Variants in ARHGAP10 observed in about 807,000 individuals in gnomAD.
ARHGAP10 encodes rho GTPase-activating protein 10.
A neutral mutation model predicts 108.6 loss-of-function variants in ARHGAP10; 87 were observed. The observed-to-expected ratio is 0.80, with a 90% CI of 0.67 to 0.96. The LOEUF (loss-of-function observed/expected upper bound fraction) is 0.96. ARHGAP10 is among the 40% of genes least tolerant of loss of function. ARHGAP10 has a pLI of 0.00. For synonymous variants in ARHGAP10, 347 were observed against 341.1 expected, an observed-to-expected ratio of 1.02 and a Z score of -0.19; for missense variants, 939 against 954.5, an observed-to-expected ratio of 0.98 and a Z score of 0.21.
At chr4:147,983,587 A>G (rs1188717793) in intron 18 of ARHGAP10, among the ~76,000 whole-genome samples, 1 of 151,238 alleles carries the variant, frequency 6.6e-6, no homozygotes. Flanking sequence ...GCATGGTCTC[A>G]TCTGCCGTTA....
At chr4:147,942,178 G>T (rs1578715639) in intron 14 of ARHGAP10, among the ~76,000 whole-genome samples, 1 of 152,164 alleles carries the variant, frequency 6.6e-6, no homozygotes, top group African/African-American at 2.4e-5. Context: ...GCAGGTAATA[G>T]GTTTATTTCA....
intron 1 of ARHGAP10, among the ~76,000 whole-genome samples, chr4:147,798,769 CTCTCTCTCTCTCTATA>C (rs1202805946): frequency 2.0e-3 from 11 of 5,586 alleles, no homozygotes; most frequent in Admixed American, 0.014. Context: ...CTCTCTCTCT[CTCTCTCTCTCTCTATA>C]TATATATATA....
intron 1 of ARHGAP10, among the ~76,000 whole-genome samples, chr4:147,751,350 G>A (rs1340824205): frequency 6.6e-6 from 1 of 151,716 alleles, no homozygotes; most frequent in Non-Finnish European, 1.5e-5. Context: ...TTTGTAGTAG[G>A]AGTAGATAAT....
rs775350849 is a variant in ARHGAP10, at chr4:147,939,912, T to C, written c.1303+13T>C. Reference sequence around the variant, plus strand: ...AGTATGTTGATGGGTATGCCTCTTTTCTAATCATTTTTCCATGTGTTATTT... The same window carrying C: ...AGTATGTTGATGGGTATGCCTCTTTCCTAATCATTTTTCCATGTGTTATTT... On this transcript the variant is annotated intron_variant, in intron 14 of 22. Transcript: ENST00000336498. The C allele has an allele frequency of 6.2e-7, 1 of 1,605,662 alleles. No homozygotes were observed. The highest frequency in any genetic ancestry group is 2.2e-5 in the East Asian group (1 of 44,834).
In ARHGAP10 at chr4:147,925,744, C is replaced by T. The variant is rs369136060; in HGVS notation, c.1228+12605C>T. Among the ~76,000 whole-genome samples the T allele has an allele frequency of 2.0e-4, 31 of 152,298 alleles. No individual in the cohort carries two copies. In the East Asian group the frequency reaches 2.7e-3, roughly 13 times the overall value. ...TAGTTCCACGGATACTAGTAGAAGA[C>T]ACAAGACTCCTGGATCTTTGACACA... On this transcript the variant is annotated intron_variant, in intron 13 of 22. Coordinates refer to ENST00000336498, the MANE Select transcript of ARHGAP10 (RefSeq NM_024605.4).
chr4:148,045,203 C>G (rs893824946), intron 19 of ARHGAP10, among the ~76,000 whole-genome samples: 5 of 152,188 alleles, frequency 3.3e-5, no homozygotes, highest in African/African-American at 1.2e-4. Flanking sequence ...AGGGGTCCCC[C>G]TCAATACTCA....
rs1428847036 is a variant in ARHGAP10 at position 147,985,009 on chromosome 4, GC to G, written c.1716+18172del. 2.0e-5 allele frequency among the ~76,000 whole-genome samples: 3 copies of G among 152,176 alleles called. No homozygotes were observed. In the East Asian group the frequency reaches 5.8e-4, roughly 29 times the overall value. ...GTGGCTACTAGGCACATAGAGATGT[GC>G]CTAGGTGTGGAGCTGGGAACCTCAC... is the stretch of plus-strand genomic sequence containing the variant. On this transcript the variant is annotated intron_variant, in intron 18 of 22. Transcript: ENST00000336498.
At chr4:148,059,987 A>AGAGG (rs1729535663) in intron 20 of ARHGAP10, among the ~76,000 whole-genome samples, 1 of 143,302 alleles carries the variant, frequency 7.0e-6, no homozygotes, top group African/African-American at 2.6e-5. Flanking sequence ...AGAGAGAGAG[A>AGAGG]GAGAGAGGGG....
Position 147,946,656 on chromosome 4 carries a change from C to T in ARHGAP10, c.1343C>T (p.Ala448Val). Residue 448 changes from alanine (A) to valine (V), a missense_variant, in exon 15 of 23, where the codon GCA (alanine) becomes GTA (valine). Physicochemically the swap from Ala to Val is moderately conservative, Grantham distance 64 (BLOSUM62 0). Transcript: ENST00000336498. ...AATGAGGTGGACCTGGAGAATTCTG[C>T]AGATTGGGAAGTGAAGACAATAACA... The part of the protein sequence containing the change: ...TCNEVDLENS[A>V]DWEVKTITSA... 1 of 1,612,322 alleles carries T rather than the reference C, an allele frequency of 6.2e-7. No individual in the cohort carries two copies. The highest frequency in any genetic ancestry group is 8.5e-7 in the Non-Finnish European group (1 of 1,179,390).
chr4:147,986,742 A>C (rs1346135278), intron 18 of ARHGAP10, among the ~76,000 whole-genome samples: 1 of 152,206 alleles, frequency 6.6e-6, no homozygotes, highest in Non-Finnish European at 1.5e-5. Flanking sequence ...TGTAAAGTAC[A>C]TCATGATTCA....
intron 8 of ARHGAP10, among the ~76,000 whole-genome samples, chr4:147,878,774 C>CTTTTTTTT (rs11384854): frequency 8.0e-6 from 1 of 124,872 alleles, no homozygotes; most frequent in African/African-American, 3.2e-5. Context: ...CCTTCTTCCT[C>CTTTTTTTT]TTTTTTTTTT....
intron 18 of ARHGAP10, among the ~76,000 whole-genome samples, chr4:148,009,986 A>C (rs1173165415): frequency 6.6e-6 from 1 of 152,226 alleles, no homozygotes; most frequent in African/African-American, 2.4e-5. Context: ...TTGATTCCCA[A>C]ACATTTTTAA....
chr4:147,973,123 C>T (rs79599992), intron 18 of ARHGAP10, among the ~76,000 whole-genome samples: 2,525 of 152,080 alleles, frequency 0.017, 50 homozygotes, highest in South Asian at 0.083. Flanking sequence ...ATGAGTGTTT[C>T]GGAATGAGTG....
intron 16 of ARHGAP10, among the ~76,000 whole-genome samples, chr4:147,959,027 T>C (rs1738889866): frequency 6.6e-6 from 1 of 152,168 alleles, no homozygotes; most frequent in South Asian, 2.1e-4. Context: ...TAAGGTAGGC[T>C]GTTCATTCTT....
intron 18 of ARHGAP10, among the ~76,000 whole-genome samples, chr4:147,989,690 C>G (rs1052947289): frequency 6.6e-6 from 1 of 152,142 alleles, no homozygotes; most frequent in African/African-American, 2.4e-5. Context: ...AACAATTGCT[C>G]TTATCTTGTT....
intron 1 of ARHGAP10, among the ~76,000 whole-genome samples, chr4:147,801,056 T>G (rs1261136928): frequency 6.6e-6 from 1 of 152,254 alleles, no homozygotes; most frequent in Middle Eastern, 3.2e-3. Flanking sequence ...TCTGCCCACC[T>G]CTGCATTTGA....
chr4:147,961,999 G>A (rs17476251), intron 16 of ARHGAP10, among the ~76,000 whole-genome samples: 2,476 of 152,226 alleles, frequency 0.016, 52 homozygotes, highest in South Asian at 0.089. Context: ...GTAGAAGTTC[G>A]GCAGCTTTGT....
chr4:147,986,404 A>C (rs1015704142), intron 18 of ARHGAP10, among the ~76,000 whole-genome samples: 4 of 152,198 alleles, frequency 2.6e-5, no homozygotes, highest in Non-Finnish European at 5.9e-5. Flanking sequence ...TTGTCTGATG[A>C]AGTATATACA....
rs796280840 is a variant in ARHGAP10, at chr4:147,899,322, T to TGC, written c.1035-7315_1035-7314dup. ...AAAGCAGCTGGGGTGTGTGTGTGTG[T>TGC]GCATGCGTGTGTGTGTGTGTGTCTG... On this transcript the variant is annotated intron_variant, in intron 10 of 22. Transcript: ENST00000336498. 3.3e-5 allele frequency among the ~76,000 whole-genome samples: 5 copies of TGC among 152,066 alleles called. No individual in the cohort carries two copies. The East Asian group carries it at 7.7e-4, about 23-fold the overall frequency.
Sources: allele counts gnomAD v4.1 joint callset (sites outside exome capture counted in the v4.1 genomes callset), GRCh38; gene constraint gnomAD v4.1.1; transcripts MANE v1.5; gene names NCBI Gene and HGNC (gene_info 2026-07-23, HGNC 2026-07-21).